Variants in RNF7 observed in about 807,000 individuals in gnomAD.
RNF7 encodes the protein RING-box protein 2.
A neutral mutation model predicts 17.0 loss-of-function variants in RNF7; 9 were observed. The observed-to-expected ratio is 0.53, with a 90% CI of 0.32 to 0.92. The LOEUF (loss-of-function observed/expected upper bound fraction) is 0.92, where lower values mean the gene tolerates loss of function less well. RNF7 is among the 40% of genes least tolerant of loss of function. The pLI is 0.04. For missense variants in RNF7, 87 were observed against 145.8 expected (o/e 0.60, Z 2.08); for synonymous variants, 59 against 50.5 (o/e 1.17, Z -0.72).
intron 1 of RNF7, among the ~76,000 whole-genome samples, chr3:141,740,873 A>G (rs2084408970): frequency 6.6e-6 from 1 of 152,142 alleles, no homozygotes; most frequent in Non-Finnish European, 1.5e-5. Context: ...TTTCCTTAGT[A>G]TTTGGAATTT....
intron 2 of RNF7, 95 bp downstream of exon 2, chr3:141,743,651 A>T (rs1312709766): frequency 5.7e-6 from 5 of 873,236 alleles, no homozygotes; most frequent in Admixed American, 2.3e-5. Flanking sequence ...TTATCAATAC[A>T]CAAAAATAAA....
chr3:141,744,694 C>T (rs1310527946), intron 2 of RNF7, among the ~76,000 whole-genome samples: 1 of 152,206 alleles, frequency 6.6e-6, no homozygotes, highest in African/African-American at 2.4e-5. Flanking sequence ...AGATGCACAA[C>T]TGAATGTTTA....
chr3:141,743,246 T>C (rs1276310859), intron 1 of RNF7, among the ~76,000 whole-genome samples: 1 of 152,182 alleles, frequency 6.6e-6, no homozygotes, highest in East Asian at 1.9e-4. Context: ...AGTAGTTTTC[T>C]CTCTTGGCAC....
At chr3:141,745,130 A>T in intron 2 of RNF7, 29 bp from the exon 3 acceptor site, 1 of 1,418,900 alleles carries the variant, frequency 7.0e-7, no homozygotes, top group Non-Finnish European at 9.9e-7. Flanking sequence ...GAAATATGTA[A>T]TGTCAACTCT....
chr3:141,746,953 T>G lies in RNF7; in HGVS notation c.*1676T>G, dbSNP rs2084480863. On this transcript the variant is annotated 3_prime_UTR_variant, in exon 3 of 3. Coordinates refer to ENST00000273480, the MANE Select transcript of RNF7 (RefSeq NM_014245.5). ...GCAGTGAACTGTTTTAGTAACTTTC[T>G]GTTTGACCTTTTTAGAAGGTTGCAT... 6.6e-6 allele frequency: 1 copy of G among 152,244 alleles called. No individual in the cohort carries two copies. Among genetic ancestry groups the G allele is most frequent in the Admixed American group, 6.5e-5 (1 of 15,292 alleles). The allele number at this position is 152,244 out of a possible 1,614,324, so 9.4% of individuals were successfully genotyped here.
At position 141,745,502 on chromosome 3, in the gene RNF7, C is replaced by G; in HGVS notation, c.*225C>G. ...GATAATTTATTAAAGGTGGTCCTTC[C>G]TACCTCTGTGGTGTGTGTCGCGCAC... On this transcript the variant is annotated 3_prime_UTR_variant, in exon 3 of 3. Coordinates refer to ENST00000273480, the MANE Select transcript of RNF7 (RefSeq NM_014245.5). 3.0e-6 allele frequency: 1 copy of G among 329,644 alleles called. No homozygotes were observed. Among genetic ancestry groups the G allele is most frequent in the Non-Finnish European group, 5.7e-6 (1 of 174,324 alleles). 20.4% of individuals were successfully genotyped at this position (329,644 alleles called of 1,614,324 possible).
At chr3:141,741,964 C>T (rs2084421981) in intron 1 of RNF7, among the ~76,000 whole-genome samples, 1 of 151,658 alleles carries the variant, frequency 6.6e-6, no homozygotes, top group Non-Finnish European at 1.5e-5. Flanking sequence ...TGGGCTCAGA[C>T]TTATCTGTAT....
intron 1 of RNF7, chr3:141,742,537 G>GT: frequency 1.0e-6 from 1 of 987,050 alleles, no homozygotes; most frequent in South Asian, 1.5e-5. Flanking sequence ...AAACCTTAGT[G>GT]TTTAGGGATA....
rs569371701 is a variant in RNF7, at chr3:141,746,654, T to C, written c.*1377T>C. On this transcript the variant is annotated 3_prime_UTR_variant, in exon 3 of 3. Coordinates refer to ENST00000273480, the MANE Select transcript of RNF7 (RefSeq NM_014245.5). The stretch of plus-strand genomic sequence containing the variant: ...TCTTCTGTAGTAGAGGCTACTGATA[T>C]GAATTTAAGAAAAAACCTTAGAATC... 2.7e-4 allele frequency: 41 copies of C among 152,268 alleles called. No homozygotes were observed. The highest frequency in any genetic ancestry group is 8.4e-4 in the African/African-American group (35 of 41,526). 9.4% of individuals were successfully genotyped at this position (152,268 alleles called of 1,614,324 possible).
rs530776856 is a variant in RNF7, at chr3:141,740,019, G to T, written c.175+1503G>T. On this transcript the variant is annotated intron_variant, in intron 1 of 2. Transcript: ENST00000273480. ...CCACTATACTCCAGCTTGGGTGACA[G>T]AATGAGACCCTGTCTCAGCAACAAA... Among the ~76,000 whole-genome samples, 29 of 152,236 alleles carry T rather than the reference G, an allele frequency of 1.9e-4. No homozygotes were observed. The South Asian group carries it at 5.8e-3, about 30-fold the overall frequency.
chr3:141,742,793 T>C (rs1559831969), intron 1 of RNF7: 1 of 1,261,368 alleles, frequency 7.9e-7, no homozygotes, highest in Admixed American at 2.6e-5. Flanking sequence ...TGACCATCGG[T>C]AGCAACCTAT....
chr3:141,742,101 G>A (rs1301706112), intron 1 of RNF7, among the ~76,000 whole-genome samples: 1 of 151,478 alleles, frequency 6.6e-6, no homozygotes, highest in African/African-American at 2.4e-5. Flanking sequence ...CAGGTATTGA[G>A]CCTAGTACCC....
chr3:141,738,545 C>T, intron 1 of RNF7, 29 bp downstream of exon 1: 4 of 1,566,438 alleles, frequency 2.6e-6, no homozygotes, highest in African/African-American at 1.4e-5. Context: ...TCCAGGGCCG[C>T]CCTGCGGCCT....
At position 141,738,323 on chromosome 3, in the gene RNF7, T is replaced by C. The variant is rs1419455866; in HGVS notation, c.-19T>C. On this transcript the variant is annotated 5_prime_UTR_variant, in exon 1 of 3. Coordinates refer to ENST00000273480, the MANE Select transcript of RNF7 (RefSeq NM_014245.5). Reference sequence around the variant, plus strand: ...CTTCCCCAAGCCAACGTCTCCGCCGTCGGCTCCGCGGCGCCGCCATGGCCG... The same window carrying C: ...CTTCCCCAAGCCAACGTCTCCGCCGCCGGCTCCGCGGCGCCGCCATGGCCG... 3.6e-6 allele frequency: 5 copies of C among 1,389,684 alleles called. No homozygotes were observed. The highest frequency in any genetic ancestry group is 4.8e-6 in the Non-Finnish European group (5 of 1,045,712). 86.1% of individuals were successfully genotyped at this position (1,389,684 alleles called of 1,614,324 possible).
rs946337672 is a variant in RNF7 at position 141,746,942 on chromosome 3, T to C, written c.*1665T>C. The C allele has an allele frequency of 5.9e-5, 9 of 152,248 alleles. No homozygotes were observed. The highest frequency in any genetic ancestry group is 1.7e-4 in the African/African-American group (7 of 41,462). 9.4% of individuals were successfully genotyped at this position (152,248 alleles called of 1,614,324 possible). A position where few individuals can be genotyped will look rare whatever the true frequency, so the allele number is the denominator to read the frequency against. On this transcript the variant is annotated 3_prime_UTR_variant, in exon 3 of 3. Transcript: ENST00000273480. ...TTTATCATTGTGCAGTGAACTGTTTTAGTAACTTTCTGTTTGACCTTTTTA... is the reference window on the plus strand; with the variant it reads ...TTTATCATTGTGCAGTGAACTGTTTCAGTAACTTTCTGTTTGACCTTTTTA...
rs749653632 is a variant in RNF7, at chr3:141,743,494, T to A, written c.176-15T>A. 3 of 1,604,578 alleles carry A rather than the reference T, an allele frequency of 1.9e-6. No individual in the cohort carries two copies. Among genetic ancestry groups the A allele is most frequent in the Non-Finnish European group, 2.6e-6 (3 of 1,174,580 alleles). On this transcript the variant is annotated splice_polypyrimidine_tract_variant and intron_variant, in intron 1 of 2. Transcript: ENST00000273480. ...CTGAGCATCAGAATGAGAATCGCTA[T>A]TTGTTTACTTTTAGATGCCTGTCTT...
chr3:141,742,247 G>C (rs973825778), intron 1 of RNF7, among the ~76,000 whole-genome samples: 9 of 118,308 alleles, frequency 7.6e-5, no homozygotes, highest in Non-Finnish European at 1.5e-4. Context: ...TTTTTTTTGA[G>C]ACGGAGTCTC....
In RNF7 at chr3:141,738,304, C is replaced by G. The variant is rs2084376499; in HGVS notation, c.-38C>G. 1 of 1,528,062 alleles carries G rather than the reference C, an allele frequency of 6.5e-7. No homozygotes were observed. The highest frequency in any genetic ancestry group is 2.0e-5 in the Admixed American group (1 of 49,514). The allele number at this position is 1,528,062 out of a possible 1,614,324, so 94.7% of individuals were successfully genotyped here. On this transcript the variant is annotated 5_prime_UTR_variant, in exon 1 of 3. Coordinates refer to ENST00000273480, the MANE Select transcript of RNF7 (RefSeq NM_014245.5). ...AGCCGCCCTAGCCTTCCGCCTTCCC[C>G]AAGCCAACGTCTCCGCCGTCGGCTC...
intron 1 of RNF7, among the ~76,000 whole-genome samples, chr3:141,739,337 T>C (rs900631786): frequency 1.4e-4 from 22 of 152,350 alleles, no homozygotes; most frequent in African/African-American, 4.3e-4. Context: ...CAAATATGTC[T>C]TCTTTCTGTG....
Sources: allele counts gnomAD v4.1 joint callset (sites outside exome capture counted in the v4.1 genomes callset), GRCh38; gene constraint gnomAD v4.1.1; transcripts MANE v1.5; gene names NCBI Gene and HGNC (gene_info 2026-07-23, HGNC 2026-07-21).